LRMDA: variants seen among roughly 807,000 people sequenced by gnomAD.
The protein encoded by LRMDA is leucine rich melanocyte differentiation associated, also known as leucine-rich melanocyte differentiation-associated protein.
LRMDA carries 18 observed loss-of-function variants against 29.8 expected under a neutral mutation model. That is an observed-to-expected ratio of 0.60 (90% CI 0.42 to 0.90). The LOEUF (loss-of-function observed/expected upper bound fraction) is 0.90. Among genes scored for constraint, LRMDA ranks in the 40% least tolerant of loss-of-function variants. The pLI, the probability that LRMDA is intolerant of heterozygous loss-of-function variation, is 0.00. For missense variants in LRMDA, 273 were observed against 273.9 expected (o/e 1.00, Z 0.02); for synonymous variants, 125 against 109.4 (o/e 1.14, Z -0.89).
intron 6 of LRMDA, among the ~76,000 whole-genome samples, chr10:76,548,045 G>C (rs1433388420): frequency 6.6e-6 from 1 of 152,156 alleles, no homozygotes; most frequent in Non-Finnish European, 1.5e-5. Flanking sequence ...CTGTGAACAG[G>C]ACTGAACAAA....
chr10:76,159,793 G>A (rs1850610208), intron 5 of LRMDA, among the ~76,000 whole-genome samples: 2 of 152,164 alleles, frequency 1.3e-5, no homozygotes, highest in East Asian at 1.9e-4. Flanking sequence ...GTTATATGCT[G>A]TATGATTCTA....
At chr10:75,544,548 G>A (rs1214961132) in intron 2 of LRMDA, among the ~76,000 whole-genome samples, 1 of 152,124 alleles carries the variant, frequency 6.6e-6, no homozygotes, top group Non-Finnish European at 1.5e-5. Context: ...ACTTAGAGAG[G>A]AAGGTACTGC....
At chr10:75,522,994 G>T (rs1234954804) in intron 2 of LRMDA, among the ~76,000 whole-genome samples, 1 of 152,194 alleles carries the variant, frequency 6.6e-6, no homozygotes, top group Non-Finnish European at 1.5e-5. Context: ...GCAATCAGAT[G>T]ACCTGGCCTG....
chr10:76,021,790 T>G (rs796283450), intron 2 of LRMDA, among the ~76,000 whole-genome samples: 1 of 151,802 alleles, frequency 6.6e-6, no homozygotes, highest in South Asian at 2.1e-4. Flanking sequence ...CTTTATATTC[T>G]CCAATAGTGT....
intron 2 of LRMDA, among the ~76,000 whole-genome samples, chr10:75,596,058 T>C (rs749090457): frequency 3.1e-4 from 47 of 152,246 alleles, no homozygotes; most frequent in Non-Finnish European, 6.5e-4. Context: ...CATGTGTATA[T>C]GTGTGTATGT....
intron 2 of LRMDA, among the ~76,000 whole-genome samples, chr10:75,996,072 G>A (rs972003313): frequency 1.3e-5 from 2 of 152,192 alleles, no homozygotes; most frequent in Non-Finnish European, 2.9e-5. Flanking sequence ...TTAAAAGCCT[G>A]AATGTGTGTG....
rs538994723 is a variant in LRMDA at position 76,018,860 on chromosome 10, G to A, written c.132-17148G>A. The stretch of plus-strand genomic sequence containing the variant: ...GGATTATAGGCGTGAGTGAGCCACC[G>A]TGCCTGGCCCTGGAGACTCTTAAGA... On this transcript the variant is annotated intron_variant, in intron 2 of 6. Coordinates refer to ENST00000611255, the MANE Select transcript of LRMDA (RefSeq NM_001305581.2). 3.3e-5 allele frequency among the ~76,000 whole-genome samples: 5 copies of A among 152,274 alleles called. No individual in the cohort carries two copies. In the East Asian group the frequency reaches 5.8e-4, roughly 18 times the overall value.
At chr10:75,446,762 A>G (rs1020139917) in intron 2 of LRMDA, among the ~76,000 whole-genome samples, 1 of 152,232 alleles carries the variant, frequency 6.6e-6, no homozygotes, top group Non-Finnish European at 1.5e-5. Flanking sequence ...TCCATAGGCT[A>G]AACCAGCTCA....
intron 5 of LRMDA, among the ~76,000 whole-genome samples, chr10:76,269,661 A>G (rs1305212626): frequency 6.6e-6 from 1 of 152,214 alleles, no homozygotes; most frequent in East Asian, 1.9e-4. Flanking sequence ...TTCACGATAT[A>G]TGGTACATTT....
At chr10:76,087,355 G>A (rs1849154202) in intron 5 of LRMDA, among the ~76,000 whole-genome samples, 1 of 152,208 alleles carries the variant, frequency 6.6e-6, no homozygotes, top group Non-Finnish European at 1.5e-5. Context: ...CAAACAGAGT[G>A]GGGACTGGGT....
intron 6 of LRMDA, among the ~76,000 whole-genome samples, chr10:76,455,675 C>T (rs964482242): frequency 4.6e-5 from 7 of 152,134 alleles, no homozygotes; most frequent in Admixed American, 2.6e-4. Flanking sequence ...GCCTTACACA[C>T]CGGTTAGCAG....
chr10:76,129,845 G>T (rs1849954947), intron 5 of LRMDA, among the ~76,000 whole-genome samples: 1 of 152,136 alleles, frequency 6.6e-6, no homozygotes, highest in East Asian at 1.9e-4. Flanking sequence ...GAAGTTCATA[G>T]CAAGGGGTCT....
chr10:76,285,445 A>G (rs944316545), intron 5 of LRMDA, among the ~76,000 whole-genome samples: 7 of 143,346 alleles, frequency 4.9e-5, no homozygotes, highest in Non-Finnish European at 1.1e-4. Context: ...AAAAAAAAAA[A>G]ATAGATGTAA....
chr10:75,794,521 T>C (rs10160008), intron 2 of LRMDA, among the ~76,000 whole-genome samples: 63,458 of 151,916 alleles, frequency 0.42, 14,346 homozygotes, highest in South Asian at 0.53. Context: ...TGGCCAACAG[T>C]TTTTCACTGT....
chr10:75,871,449 A>G (rs776860235), intron 2 of LRMDA, among the ~76,000 whole-genome samples: 3 of 152,058 alleles, frequency 2.0e-5, no homozygotes, highest in Non-Finnish European at 2.9e-5. Flanking sequence ...CCAGCCTCTT[A>G]CCTTTCATGC....
At chr10:75,665,135 G>A (rs1252914309) in intron 2 of LRMDA, among the ~76,000 whole-genome samples, 1 of 152,208 alleles carries the variant, frequency 6.6e-6, no homozygotes, top group East Asian at 1.9e-4. Context: ...GGAGCCTGCA[G>A]ATTTTTATCT....
intron 2 of LRMDA, among the ~76,000 whole-genome samples, chr10:75,539,952 G>A (rs1451522430): frequency 1.3e-5 from 2 of 151,962 alleles, no homozygotes; most frequent in Non-Finnish European, 2.9e-5. Context: ...CAGCACCCAG[G>A]GGTTAAAGGT....
intron 2 of LRMDA, among the ~76,000 whole-genome samples, chr10:75,954,231 T>C (rs527912629): frequency 2.5e-4 from 38 of 152,162 alleles, no homozygotes; most frequent in Non-Finnish European, 5.0e-4. Context: ...GACTAACACC[T>C]TGATTTTGGC....
At chr10:75,675,386 T>A (rs925235355) in intron 2 of LRMDA, among the ~76,000 whole-genome samples, 12 of 152,320 alleles carry the variant, frequency 7.9e-5, no homozygotes, top group African/African-American at 2.9e-4. Context: ...TTATATTCTA[T>A]ACTAATGGAG....
Sources: allele counts gnomAD v4.1 joint callset (sites outside exome capture counted in the v4.1 genomes callset), GRCh38; gene constraint gnomAD v4.1.1; transcripts MANE v1.5; gene names NCBI Gene and HGNC (gene_info 2026-07-23, HGNC 2026-07-21).